The following MICU1 variants were observed in gnomAD, a reference collection of about 807,000 sequenced individuals.
The protein encoded by MICU1 is calcium uptake protein 1, mitochondrial.
A neutral mutation model predicts 56.8 loss-of-function variants in MICU1; 45 were observed. That is an observed-to-expected ratio of 0.79 (90% confidence interval 0.62 to 1.02). The LOEUF is 1.02. Among genes scored for constraint, MICU1 ranks in the 50% least tolerant of loss-of-function variants. The probability of loss-of-function intolerance (pLI) is 0.00; values close to 1 mark genes in which losing one functional copy is unlikely to be tolerated. For synonymous variants in MICU1, 186 were observed against 195.1 expected (o/e 0.95, Z 0.39); for missense variants, 504 against 587.1 (o/e 0.86, Z 1.46).
intron 6 of MICU1, among the ~76,000 whole-genome samples, chr10:72,490,582 C>T (rs758086693): frequency 5.9e-5 from 9 of 152,122 alleles, no homozygotes; most frequent in Non-Finnish European, 1.0e-4. Context: ...ATGTTTCCTG[C>T]CTCCTGTCCT....
intron 5 of MICU1, chr10:72,532,888 C>T (rs1839526218): frequency 8.6e-7 from 1 of 1,168,994 alleles, no homozygotes; most frequent in Non-Finnish European, 1.1e-6. Context: ...TCCACCTTAC[C>T]AGGATATGGA....
intron 1 of MICU1, among the ~76,000 whole-genome samples, chr10:72,588,411 C>A (rs1008544984): frequency 3.3e-5 from 5 of 151,918 alleles, no homozygotes; most frequent in Non-Finnish European, 7.4e-5. Flanking sequence ...AAACAACTTA[C>A]ATTTTCTGCC....
At chr10:72,496,867 C>G (rs375974126) in intron 6 of MICU1, among the ~76,000 whole-genome samples, 76 of 152,148 alleles carry the variant, frequency 5.0e-4, no homozygotes, top group Non-Finnish European at 4.4e-5. Context: ...CCACTGTGCC[C>G]GGCCAGAAAA....
intron 10 of MICU1, among the ~76,000 whole-genome samples, chr10:72,387,398 T>C (rs145193125): frequency 1.3e-5 from 2 of 152,316 alleles, no homozygotes; most frequent in Admixed American, 6.5e-5. Flanking sequence ...TTCATTTACA[T>C]AACATAAACG....
intron 11 of MICU1, among the ~76,000 whole-genome samples, chr10:72,372,601 G>T (rs1277060452): frequency 6.6e-6 from 1 of 152,236 alleles, no homozygotes; most frequent in Non-Finnish European, 1.5e-5. Flanking sequence ...CACTTTGGGA[G>T]GCTGAGGCAG....
At chr10:72,392,127 T>C (rs7081900) in intron 10 of MICU1, 85,498 of 152,004 alleles carry the variant, frequency 0.56, 24,952 homozygotes, top group Non-Finnish European at 0.65. Flanking sequence ...AGGTTATATA[T>C]AAAAATACTA....
chr10:72,496,444 G>A (rs375725665), intron 6 of MICU1, among the ~76,000 whole-genome samples: 13 of 152,224 alleles, frequency 8.5e-5, no homozygotes, highest in South Asian at 8.3e-4. Flanking sequence ...TGGGATTACA[G>A]GCATGCGCCA....
intron 1 of MICU1, among the ~76,000 whole-genome samples, chr10:72,583,432 C>T (rs1840960427): frequency 6.6e-6 from 1 of 152,208 alleles, no homozygotes; most frequent in Middle Eastern, 3.4e-3. Context: ...AGCTGTGTAC[C>T]ACCACACCTG....
In MICU1 at chr10:72,379,844, C is replaced by T. The variant is rs186060534; in HGVS notation, c.1181-3972G>A. Among the ~76,000 whole-genome samples, 405 of 152,240 alleles carry T rather than the reference C, an allele frequency of 2.7e-3. 1 individual carries two copies. Among genetic ancestry groups the T allele is most frequent in the Admixed American group, 0.024 (373 of 15,282 alleles). On this transcript the variant is annotated intron_variant, in intron 10 of 11. Coordinates refer to ENST00000361114, the MANE Select transcript of MICU1 (RefSeq NM_001195518.2). ...GGCTGCTAAGTTATTGTAGCCCAAA[C>T]CACTGGGATGTTAGCCAGCAAACAG...
At chr10:72,498,105 C>A (rs917142160) in intron 6 of MICU1, among the ~76,000 whole-genome samples, 5 of 152,046 alleles carry the variant, frequency 3.3e-5, no homozygotes, top group African/African-American at 7.2e-5. Flanking sequence ...TAAATTATGA[C>A]AAAAAATAAA....
chr10:72,436,789 G>A (rs552224034), intron 8 of MICU1, among the ~76,000 whole-genome samples: 18 of 152,196 alleles, frequency 1.2e-4, no homozygotes, highest in Admixed American at 2.6e-4. Context: ...CAGCCGATTC[G>A]ATCAAGTGGA....
intron 11 of MICU1, among the ~76,000 whole-genome samples, chr10:72,373,904 A>G (rs899037198): frequency 2.0e-5 from 3 of 152,182 alleles, no homozygotes; most frequent in African/African-American, 7.2e-5. Context: ...GAAATGTTTT[A>G]TATTTGTGCT....
intron 6 of MICU1, among the ~76,000 whole-genome samples, chr10:72,493,695 G>A (rs1278594404): frequency 2.0e-5 from 3 of 152,062 alleles, no homozygotes; most frequent in Non-Finnish European, 4.4e-5. Context: ...GGGCTCAAGC[G>A]TTCTGCCCGC....
At chr10:72,463,060 T>C (rs539194092) in intron 8 of MICU1, among the ~76,000 whole-genome samples, 1 of 151,540 alleles carries the variant, frequency 6.6e-6, no homozygotes, top group South Asian at 2.1e-4. Context: ...TCTCTATGAG[T>C]CTTCTGCACT....
intron 9 of MICU1, among the ~76,000 whole-genome samples, chr10:72,413,698 C>T (rs112908602): frequency 3.7e-4 from 56 of 152,014 alleles, no homozygotes; most frequent in African/African-American, 1.2e-3. Flanking sequence ...TGTGCCACTG[C>T]ACTCCAGCCT....
At chr10:72,505,449 T>C (rs1867213339) in intron 6 of MICU1, among the ~76,000 whole-genome samples, 1 of 152,126 alleles carries the variant, frequency 6.6e-6, no homozygotes, top group South Asian at 2.1e-4. Context: ...AACCCAGTAA[T>C]CCCATTACTG....
rs1862261356 is a variant in MICU1 at position 72,369,686 on chromosome 10, ATC to A, written c.1271-1333_1271-1332del. Among the ~76,000 whole-genome samples the A allele has an allele frequency of 2.0e-5, 3 of 146,764 alleles. No homozygotes were observed. In the South Asian group the frequency reaches 6.3e-4, roughly 31 times the overall value. ...AGGGCTGGAAGAAACTTTGGAGAGC[ATC>A]TGTTTTTTTTTTTGTTGTTGTTGTT... On this transcript the variant is annotated intron_variant, in intron 11 of 11. Coordinates refer to ENST00000361114, the MANE Select transcript of MICU1 (RefSeq NM_001195518.2).
intron 4 of MICU1, among the ~76,000 whole-genome samples, chr10:72,550,911 C>T (rs562711419): frequency 1.1e-3 from 169 of 152,220 alleles, no homozygotes; most frequent in African/African-American, 3.9e-3. Flanking sequence ...AATGTATTGC[C>T]TTCGAGAACA....
At chr10:72,472,209 C>T (rs928240799) in intron 8 of MICU1, among the ~76,000 whole-genome samples, 1 of 152,118 alleles carries the variant, frequency 6.6e-6, no homozygotes, top group African/African-American at 2.4e-5. Flanking sequence ...AACAAGAGTA[C>T]TGTGGTTATT....
Sources: allele counts gnomAD v4.1 joint callset (sites outside exome capture counted in the v4.1 genomes callset), GRCh38; gene constraint gnomAD v4.1.1; transcripts MANE v1.5; gene names NCBI Gene and HGNC (gene_info 2026-07-23, HGNC 2026-07-21).